Variants in TBXAS1 observed in about 807,000 individuals in gnomAD.
TBXAS1 encodes thromboxane A synthase 1.
In TBXAS1, 48 loss-of-function variants were observed where a neutral mutation model predicts 60.7. The observed-to-expected ratio is 0.79, with a 90% CI of 0.63 to 1.01. TBXAS1 has a LOEUF of 1.01. Among genes scored for constraint, TBXAS1 ranks in the 50% least tolerant of loss-of-function variants. The probability of loss-of-function intolerance (pLI) is 0.00; values close to 1 mark genes in which losing one functional copy is unlikely to be tolerated. For missense variants in TBXAS1, 685 were observed against 686.3 expected (o/e 1.00, Z 0.02); for synonymous variants, 287 against 269.7 (o/e 1.06, Z -0.63).
At chr7:139,947,630 C>T (rs1808841202) in intron 5 of TBXAS1, among the ~76,000 whole-genome samples, 1 of 152,198 alleles carries the variant, frequency 6.6e-6, no homozygotes, top group Non-Finnish European at 1.5e-5. Flanking sequence ...ACCTTCCTTC[C>T]TTGGGGAATT....
chr7:139,945,591 A>G (rs533932132), intron 5 of TBXAS1, among the ~76,000 whole-genome samples: 70 of 152,376 alleles, frequency 4.6e-4, no homozygotes, highest in African/African-American at 1.6e-3. Flanking sequence ...TTCTTGATAT[A>G]ACAAATACCA....
At chr7:139,809,160 G>T (rs1037640007) in intron 4 of TBXAS1, among the ~76,000 whole-genome samples, 10 of 151,596 alleles carry the variant, frequency 6.6e-5, no homozygotes, top group Non-Finnish European at 1.3e-4. Context: ...TAGGTAGATA[G>T]ATAGATAGAT....
At chr7:139,874,044 A>G (rs753926355) in intron 2 of TBXAS1, among the ~76,000 whole-genome samples, 39 of 151,522 alleles carry the variant, frequency 2.6e-4, no homozygotes, top group Non-Finnish European at 1.9e-4. Context: ...TTTCTTTTCC[A>G]TTCCTTTCTG....
At position 139,999,159 on chromosome 7, in the gene TBXAS1, C is replaced by G. The variant is rs547629194; in HGVS notation, c.1135-7932C>G. On this transcript the variant is annotated intron_variant, in intron 9 of 12. Coordinates refer to ENST00000448866, the MANE Select transcript of TBXAS1 (RefSeq NM_001061.7). The surrounding 1 kb of genome is among the most constrained non-coding windows in gnomAD (Gnocchi z 4.3). ...CTGCTCACTGGACCCACTCAGACAA[C>G]AGAGCTATGGGATCTAGAAGGTGAA... Among the ~76,000 whole-genome samples the G allele has an allele frequency of 6.6e-6, 1 of 152,352 alleles. No individual in the cohort carries two copies. Among genetic ancestry groups the G allele is most frequent in the African/African-American group, 2.4e-5 (1 of 41,592 alleles).
At chr7:139,953,524 T>C (rs929624452) in intron 6 of TBXAS1, 68 bp downstream of exon 6, 2 of 1,445,924 alleles carry the variant, frequency 1.4e-6, no homozygotes, top group African/African-American at 1.4e-5. Context: ...CTGTCCATAA[T>C]TGCTGACAAT....
At chr7:139,807,672 C>T (rs376628331) in intron 4 of TBXAS1, among the ~76,000 whole-genome samples, 33 of 152,216 alleles carry the variant, frequency 2.2e-4, no homozygotes, top group Non-Finnish European at 2.6e-4. Flanking sequence ...CGTGAGCCAC[C>T]GCGCTCAGCC....
intron 10 of TBXAS1, among the ~76,000 whole-genome samples, chr7:140,010,595 G>C (rs539865838): frequency 5.9e-5 from 9 of 152,158 alleles, no homozygotes; most frequent in Non-Finnish European, 1.2e-4. Flanking sequence ...GACCCCTTTG[G>C]AACTGCGGGT....
At chr7:139,813,687 C>T (rs1282510672) in intron 4 of TBXAS1, among the ~76,000 whole-genome samples, 1 of 152,188 alleles carries the variant, frequency 6.6e-6, no homozygotes, top group Non-Finnish European at 1.5e-5. Flanking sequence ...AACTCAGCAA[C>T]TCTAGAACAC....
rs555416009 is a variant in TBXAS1, at chr7:139,896,544, C to G, written c.237-14681C>G. ...CCTGGGCTATGGTATTTTACACATT[C>G]GTGACAAATACAGCAACATCTGTCA... is the stretch of plus-strand genomic sequence containing the variant. On this transcript the variant is annotated intron_variant, in intron 3 of 12. Transcript: ENST00000448866. The surrounding 1 kb of genome is among the most constrained non-coding windows in gnomAD (Gnocchi z 4.0). 6.6e-6 allele frequency among the ~76,000 whole-genome samples: 1 copy of G among 152,158 alleles called. No individual in the cohort carries two copies. Among genetic ancestry groups the G allele is most frequent in the Non-Finnish European group, 1.5e-5 (1 of 68,028 alleles).
chr7:139,950,524 T>A (rs1809121550), intron 5 of TBXAS1, among the ~76,000 whole-genome samples: 1 of 152,166 alleles, frequency 6.6e-6, no homozygotes, highest in Non-Finnish European at 1.5e-5. Flanking sequence ...CTTGGGTGTG[T>A]TATGCTGTGA....
intron 3 of TBXAS1, among the ~76,000 whole-genome samples, chr7:139,905,896 T>C (rs1451240872): frequency 6.6e-6 from 1 of 152,178 alleles, no homozygotes; most frequent in South Asian, 2.1e-4. Context: ...TATGTTTTAG[T>C]GTCAAGTCTA....
At chr7:140,016,326 T>TAA in intron 11 of TBXAS1, 2 of 216,312 alleles carry the variant, frequency 9.2e-6, no homozygotes, top group South Asian at 6.9e-5. Context: ...AGACTCTGTC[T>TAA]AAAAAAAAAT....
At chr7:139,895,789 C>A (rs1347903009) in intron 3 of TBXAS1, among the ~76,000 whole-genome samples, 1 of 152,236 alleles carries the variant, frequency 6.6e-6, no homozygotes, top group East Asian at 1.9e-4. Flanking sequence ...ACAGAGGACT[C>A]TTTGCCCCGC....
intron 4 of TBXAS1, among the ~76,000 whole-genome samples, chr7:139,923,930 A>G (rs1384542263): frequency 1.3e-5 from 2 of 152,162 alleles, no homozygotes; most frequent in Admixed American, 1.3e-4. Flanking sequence ...TCGTTTAACA[A>G]AATGACCTCC....
At position 139,936,279 on chromosome 7, in the gene TBXAS1, C is replaced by G; in HGVS notation, c.422C>G (p.Ser141Cys). 6.2e-7 allele frequency: 1 copy of G among 1,614,220 alleles called. No individual in the cohort carries two copies. The highest frequency in any genetic ancestry group is 1.1e-5 in the South Asian group (1 of 91,082). The part of the protein sequence containing the change: ...RWEEVRGALM[S>C]AFSPEKLNEM... ...GAAGAGGTCAGAGGTGCCCTGATGT[C>G]TGCTTTCAGTCCTGAAAAGCTGAAC... is the stretch of plus-strand genomic sequence containing the variant. Residue 141 changes from serine to cysteine, a missense_variant, in exon 5 of 13, where the codon TCT becomes TGT. Ser to Cys is a moderately radical substitution (Grantham distance 112, BLOSUM62 -1). Transcript: ENST00000448866.
intron 2 of TBXAS1, among the ~76,000 whole-genome samples, chr7:139,873,957 G>A (rs923564950): frequency 7.2e-5 from 11 of 151,936 alleles, no homozygotes; most frequent in Admixed American, 2.6e-4. Context: ...CCCTACCTCC[G>A]GAAAGGCTGG....
intron 4 of TBXAS1, among the ~76,000 whole-genome samples, chr7:139,800,545 C>A (rs1381144440): frequency 1.3e-5 from 2 of 152,110 alleles, no homozygotes; most frequent in African/African-American, 4.8e-5. Flanking sequence ...TCCTTCATAC[C>A]TTTTTATCAT....
chr7:140,016,996 G>A (rs1013053801), intron 11 of TBXAS1, among the ~76,000 whole-genome samples: 3 of 152,266 alleles, frequency 2.0e-5, no homozygotes, highest in African/African-American at 4.8e-5. Context: ...AGAACAGTGA[G>A]TGCCACCTAG....
intron 9 of TBXAS1, among the ~76,000 whole-genome samples, chr7:139,984,614 A>AAG (rs748137753): frequency 0.013 from 878 of 65,582 alleles, 35 homozygotes; most frequent in South Asian, 0.039. Context: ...ATAAGAAAGA[A>AAG]AGAGAGAGAG....
Sources: gnomAD v4.1 joint callset for allele counts (sites outside exome capture counted in the v4.1 genomes callset) on GRCh38, gnomAD v4.1.1 for gene constraint, Gnocchi (gnomAD v3.1) non-coding constraint, MANE v1.5 for transcripts, NCBI Gene and HGNC (gene_info 2026-07-23, HGNC 2026-07-21) for gene names.